The following CTNNBL1 variants were observed in gnomAD, a reference collection of about 807,000 sequenced individuals.
The protein encoded by CTNNBL1 is beta-catenin-like protein 1.
In CTNNBL1, 31 loss-of-function variants were observed where a neutral mutation model predicts 72.7. The observed-to-expected ratio is 0.43, with a 90% confidence interval of 0.32 to 0.58. The LOEUF (loss-of-function observed/expected upper bound fraction) is 0.58, where lower values mean the gene tolerates loss of function less well. Among genes scored for constraint, CTNNBL1 ranks in the 20% least tolerant of loss-of-function variants. The pLI is 0.08. For missense variants in CTNNBL1, 534 were observed against 725.1 expected, an observed-to-expected ratio of 0.74 and a Z score of 3.03; for synonymous variants, 240 against 267.3, an observed-to-expected ratio of 0.90 and a Z score of 1.00.
At chr20:37,864,185 A>C (rs2072516512) in intron 15 of CTNNBL1, among the ~76,000 whole-genome samples, 2 of 148,010 alleles carry the variant, frequency 1.4e-5, no homozygotes, top group African/African-American at 5.3e-5. Context: ...TCCTTTTCAT[A>C]CCACGCCCCC....
intron 5 of CTNNBL1, among the ~76,000 whole-genome samples, chr20:37,760,861 T>C (rs948204628): frequency 6.6e-6 from 1 of 152,196 alleles, no homozygotes; most frequent in African/African-American, 2.4e-5. Flanking sequence ...TGTCTGTGAA[T>C]ATTGAGTTCA....
At position 37,842,410 on chromosome 20, in the gene CTNNBL1, G is replaced by A. The variant is rs752965126; in HGVS notation, c.1383G>A (p.Gly461=). 2 of 1,612,572 alleles carry A rather than the reference G, an allele frequency of 1.2e-6. No homozygotes were observed. The highest frequency in any genetic ancestry group is 2.2e-5 in the South Asian group (2 of 91,048). ...AMQVADKKIE[G]EKHDMVRRGE... Reference sequence around the variant, plus strand: ...AGGTGGCGGACAAGAAGATTGAAGGGGAAAAACACGTATGTATCCCTGCCT... The same window carrying A: ...AGGTGGCGGACAAGAAGATTGAAGGAGAAAAACACGTATGTATCCCTGCCT... Residue 461 remains glycine (G), a synonymous_variant, in exon 13 of 16, where the codon GGG becomes GGA. Coordinates refer to ENST00000361383, the MANE Select transcript of CTNNBL1 (RefSeq NM_030877.5).
Position 37,694,102 on chromosome 20 carries a change from G to A in CTNNBL1, c.-21G>A. ...CTGGGCGTGAGTGCAGGGAAGTGGA[G>A]TATTTGCTGGGCCGGGTACCATGGA... On this transcript the variant is annotated 5_prime_UTR_variant, in exon 1 of 16. Coordinates refer to ENST00000361383, the MANE Select transcript of CTNNBL1 (RefSeq NM_030877.5). The A allele has an allele frequency of 6.2e-7, 1 of 1,604,554 alleles. No homozygotes were observed. The highest frequency in any genetic ancestry group is 8.5e-7 in the Non-Finnish European group (1 of 1,176,196).
At chr20:37,851,107 C>T (rs576834370) in intron 13 of CTNNBL1, among the ~76,000 whole-genome samples, 5 of 152,286 alleles carry the variant, frequency 3.3e-5, no homozygotes, top group South Asian at 4.1e-4. Context: ...CACAACCCTG[C>T]GGAAATGGCA....
At position 37,768,164 on chromosome 20, in the gene CTNNBL1, G is replaced by A. The variant is rs190466326; in HGVS notation, c.750+120G>A. 6 of 738,340 alleles carry A rather than the reference G, an allele frequency of 8.1e-6. No individual in the cohort carries two copies. In the East Asian group the frequency reaches 1.4e-4, roughly 17 times the overall value. The allele number at this position is 738,340 out of a possible 1,614,324, so 45.7% of individuals were successfully genotyped here. On this transcript the variant is annotated intron_variant, in intron 7 of 15. Transcript: ENST00000361383. ...TATGATCTAGTTTGGGAAGCTTCTG[G>A]TACCTCTTGCTTCTTTCTTCTCCGT...
chr20:37,802,722 T>C, intron 10 of CTNNBL1, 145 bp from the exon 11 acceptor site: 4 of 603,036 alleles, frequency 6.6e-6, no homozygotes, highest in South Asian at 3.2e-5. Context: ...TCCACCCTAT[T>C]GTAGACGTCT....
At chr20:37,699,613 T>C (rs920081958) in intron 1 of CTNNBL1, among the ~76,000 whole-genome samples, 1 of 152,228 alleles carries the variant, frequency 6.6e-6, no homozygotes, top group Non-Finnish European at 1.5e-5. Context: ...CCTTTGGTTA[T>C]AGTTATCATT....
intron 11 of CTNNBL1, among the ~76,000 whole-genome samples, chr20:37,828,415 G>A (rs2072179355): frequency 1.3e-5 from 2 of 152,018 alleles, no homozygotes; most frequent in Non-Finnish European, 2.9e-5. Flanking sequence ...TGCCTATTGG[G>A]TATATTTTAA....
intron 1 of CTNNBL1, among the ~76,000 whole-genome samples, chr20:37,716,621 T>C (rs997743581): frequency 6.6e-6 from 1 of 152,212 alleles, no homozygotes; most frequent in African/African-American, 2.4e-5. Flanking sequence ...AAAGCAGACA[T>C]GAAACCATAT....
chr20:37,707,799 C>T (rs978413594), intron 1 of CTNNBL1, among the ~76,000 whole-genome samples: 4 of 152,200 alleles, frequency 2.6e-5, no homozygotes, highest in Non-Finnish European at 5.9e-5. Flanking sequence ...AAAGCTTAAT[C>T]ATGTATAGCT....
intron 6 of CTNNBL1, among the ~76,000 whole-genome samples, chr20:37,765,923 T>C (rs563546629): frequency 6.6e-6 from 1 of 152,314 alleles, no homozygotes; most frequent in Admixed American, 6.5e-5. Flanking sequence ...CTATTTAAAA[T>C]TGTGTTTTGG....
Position 37,803,008 on chromosome 20 carries a change from G to A in CTNNBL1, c.1173G>A (p.Arg391=), listed in dbSNP as rs1213473993. The A allele has an allele frequency of 6.2e-7, 1 of 1,614,066 alleles. No homozygotes were observed. The highest frequency in any genetic ancestry group is 8.5e-7 in the Non-Finnish European group (1 of 1,180,002). Residue 391 remains arginine, a synonymous_variant, in exon 11 of 16, where the codon AGG becomes AGA. Transcript: ENST00000361383. ...TIFPLFMKSP[R]KIKKVGTTEK... ...TTCCCCTCTTTATGAAATCTCCCAG[G>A]AAGATCAAGAAAGTGGGAACCACTG...
At chr20:37,830,305 C>A (rs529714525) in intron 11 of CTNNBL1, among the ~76,000 whole-genome samples, 8 of 152,246 alleles carry the variant, frequency 5.3e-5, no homozygotes, top group African/African-American at 1.9e-4. Context: ...TGAATCTTAA[C>A]ACATTGTAGG....
intron 5 of CTNNBL1, among the ~76,000 whole-genome samples, chr20:37,758,134 A>G (rs568241701): frequency 6.6e-6 from 1 of 152,370 alleles, no homozygotes; most frequent in Admixed American, 6.5e-5. Context: ...TTCTAATCCC[A>G]AGTGCCAGTG....
rs778120778 is a variant in CTNNBL1 at position 37,768,049 on chromosome 20, GTT to G, written c.750+7_750+8del. The G allele has an allele frequency of 3.7e-6, 6 of 1,613,142 alleles. No individual in the cohort carries two copies. The African/African-American group carries it at 5.3e-5, about 14-fold the overall frequency. ...TGGCTGTTGAAGAGGCTGAAGGTGA[GTT>G]TGGCTGTGGGGAACTGCAGCTCACA... On this transcript the variant is annotated splice_donor_region_variant and intron_variant, in intron 7 of 15. Transcript: ENST00000361383.
chr20:37,723,536 A>G (rs2073059531), intron 1 of CTNNBL1, among the ~76,000 whole-genome samples: 1 of 152,204 alleles, frequency 6.6e-6, no homozygotes, highest in African/African-American at 2.4e-5. Flanking sequence ...AAAAAAAGGT[A>G]GTAGGTTGAC....
chr20:37,722,120 T>C (rs1369304532), intron 1 of CTNNBL1, among the ~76,000 whole-genome samples: 1 of 152,206 alleles, frequency 6.6e-6, no homozygotes, highest in Non-Finnish European at 1.5e-5. Context: ...GCTTATGGGC[T>C]ACTCATTATT....
At chr20:37,763,800 A>C (rs1227457074) in intron 5 of CTNNBL1, among the ~76,000 whole-genome samples, 1 of 152,206 alleles carries the variant, frequency 6.6e-6, no homozygotes, top group African/African-American at 2.4e-5. Context: ...AGTCAGGCTA[A>C]TTAACCTCTC....
intron 5 of CTNNBL1, among the ~76,000 whole-genome samples, chr20:37,761,661 G>T (rs1035190506): frequency 3.9e-5 from 6 of 152,238 alleles, no homozygotes; most frequent in African/African-American, 1.4e-4. Context: ...CTTTTGTGGA[G>T]CTCACAAGGT....
Sources: allele counts gnomAD v4.1 joint callset (sites outside exome capture counted in the v4.1 genomes callset), GRCh38; gene constraint gnomAD v4.1.1; transcripts MANE v1.5; gene names NCBI Gene and HGNC (gene_info 2026-07-23, HGNC 2026-07-21).